Variants in ADAMTS20 observed in about 807,000 individuals in gnomAD.
The protein encoded by ADAMTS20 is A disintegrin and metalloproteinase with thrombospondin motifs 20.
In ADAMTS20, 225 loss-of-function variants were observed where a neutral mutation model predicts 260.1. The observed-to-expected ratio is 0.87, with a 90% CI of 0.78 to 0.97. The LOEUF is 0.97. Ranked by LOEUF, ADAMTS20 falls within the 50% of genes least tolerant of loss-of-function variation. The pLI, the probability that ADAMTS20 is intolerant of heterozygous loss-of-function variation, is 0.00. For missense variants in ADAMTS20, 2,400 were observed against 2,337.7 expected, an observed-to-expected ratio of 1.03 and a Z score of -0.55; for synonymous variants, 802 against 769.5, an observed-to-expected ratio of 1.04 and a Z score of -0.70.
downstream of ADAMTS20, among the ~76,000 whole-genome samples, chr12:43,353,549 T>G (rs1401240119): frequency 4.6e-5 from 7 of 152,000 alleles, no homozygotes; most frequent in African/African-American, 1.7e-4. Context: ...CCCACAAAAT[T>G]TTTTATTTAC....
chr12:43,436,268 C>T (rs1312863018), intron 18 of ADAMTS20, among the ~76,000 whole-genome samples: 1 of 152,100 alleles, frequency 6.6e-6, no homozygotes, highest in African/African-American at 2.4e-5. Flanking sequence ...CCAGGTTCCT[C>T]TGACAGGGCG....
chr12:43,370,899 A>G (rs1940093329), intron 36 of ADAMTS20, among the ~76,000 whole-genome samples: 1 of 152,170 alleles, frequency 6.6e-6, no homozygotes, highest in Admixed American at 6.5e-5. Context: ...TGTTCCCAGT[A>G]CTCATCACTT....
At chr12:43,541,679 T>C (rs1460652539) in intron 2 of ADAMTS20, among the ~76,000 whole-genome samples, 2 of 152,108 alleles carry the variant, frequency 1.3e-5, no homozygotes, top group Admixed American at 6.6e-5. Context: ...GAAACACACA[T>C]TGAATAAATG....
chr12:43,355,362 C>T (rs1329597886), intron 38 of ADAMTS20, among the ~76,000 whole-genome samples: 1 of 152,160 alleles, frequency 6.6e-6, no homozygotes, highest in African/African-American at 2.4e-5. Flanking sequence ...GTCAGTTTCA[C>T]ACCAGGCATC....
chr12:43,535,526 C>A (rs1413607034), intron 2 of ADAMTS20, among the ~76,000 whole-genome samples: 1 of 152,090 alleles, frequency 6.6e-6, no homozygotes, highest in African/African-American at 2.4e-5. Context: ...AAGTAGGCTA[C>A]AAATTCCAGT....
At position 43,466,706 on chromosome 12, in the gene ADAMTS20, A is replaced by G. The variant is rs1351155133; in HGVS notation, c.1313T>C (p.Met438Thr). 6.2e-6 allele frequency: 10 copies of G among 1,611,696 alleles called. No homozygotes were observed. The highest frequency in any genetic ancestry group is 2.2e-5 in the East Asian group (1 of 44,752). ...ACAGTTTGACCAGCTCCAAGGACTC[A>G]TGTGAAAACTTAAAGCAGGGGCCAT... ...HVMAPALSFH[M>T]SPWSWSNCSR... Residue 438 changes from methionine (M) to threonine (T), a missense_variant, in exon 9 of 39, where the codon ATG becomes ACG. Physicochemically the swap from Met to Thr is moderately conservative, Grantham distance 81. Transcript: ENST00000389420.
At chr12:43,454,916 T>C (rs1159733374) in intron 11 of ADAMTS20, among the ~76,000 whole-genome samples, 2 of 152,168 alleles carry the variant, frequency 1.3e-5, no homozygotes, top group Non-Finnish European at 2.9e-5. Flanking sequence ...ATGCATAACA[T>C]AAAATTTACC....
chr12:43,524,278 G>A (rs1052652506), intron 3 of ADAMTS20, among the ~76,000 whole-genome samples: 5 of 68,352 alleles, frequency 7.3e-5, no homozygotes, highest in African/African-American at 1.6e-4. Flanking sequence ...TGAAAGCAAC[G>A]AGAGCCTAAT....
At chr12:43,384,468 T>A (rs1462297668) in intron 29 of ADAMTS20, among the ~76,000 whole-genome samples, 1 of 152,218 alleles carries the variant, frequency 6.6e-6, no homozygotes, top group East Asian at 1.9e-4. Flanking sequence ...TAATTTTTTT[T>A]AATACTTTAA....
intron 16 of ADAMTS20, 69 bp from the exon 17 acceptor site, chr12:43,440,138 A>AAT: frequency 3.5e-5 from 36 of 1,024,124 alleles, no homozygotes; most frequent in Non-Finnish European, 4.4e-5. Context: ...CACTTGTTTA[A>AAT]CTTTTTTTTT....
At chr12:43,463,889 G>T (rs1287444573) in intron 10 of ADAMTS20, among the ~76,000 whole-genome samples, 4 of 152,070 alleles carry the variant, frequency 2.6e-5, no homozygotes, top group African/African-American at 9.7e-5. Context: ...AACCTAGTAG[G>T]GAGGGAAGCA....
chr12:43,460,988 A>ATATATATTTTTTTT, intron 11 of ADAMTS20, among the ~76,000 whole-genome samples: 5 of 26,394 alleles, frequency 1.9e-4, no homozygotes, highest in Admixed American at 8.3e-4. Context: ...ATATATATAT[A>ATATATATTTTTTTT]TTTTTTTTTT....
chr12:43,371,338 A>G (rs1160746178), intron 36 of ADAMTS20, among the ~76,000 whole-genome samples: 2 of 152,220 alleles, frequency 1.3e-5, no homozygotes, highest in Non-Finnish European at 2.9e-5. Flanking sequence ...TTAATTCAAC[A>G]GATACTTATT....
intron 3 of ADAMTS20, among the ~76,000 whole-genome samples, chr12:43,526,908 C>A (rs528060210): frequency 6.6e-6 from 1 of 152,140 alleles, no homozygotes; most frequent in South Asian, 2.1e-4. Context: ...AAACCTGGTT[C>A]TTTGAAAAGA....
intron 11 of ADAMTS20, among the ~76,000 whole-genome samples, chr12:43,456,936 A>C (rs1941975253): frequency 6.6e-6 from 1 of 152,188 alleles, no homozygotes; most frequent in African/African-American, 2.4e-5. Flanking sequence ...TTGTTTACTG[A>C]AACTAGAGAC....
At chr12:43,362,753 A>C (rs1376083012) in intron 37 of ADAMTS20, among the ~76,000 whole-genome samples, 2 of 151,650 alleles carry the variant, frequency 1.3e-5, no homozygotes, top group Non-Finnish European at 2.9e-5. Context: ...ATTTCACCAC[A>C]CCAACATGGC....
At chr12:43,494,757 A>G (rs768796422) in intron 4 of ADAMTS20, among the ~76,000 whole-genome samples, 1 of 152,146 alleles carries the variant, frequency 6.6e-6, no homozygotes, top group African/African-American at 2.4e-5. Flanking sequence ...TTCATTTTAC[A>G]GGCAATGTTT....
intron 28 of ADAMTS20, among the ~76,000 whole-genome samples, chr12:43,409,830 A>G (rs1215084642): frequency 6.6e-6 from 1 of 152,132 alleles, no homozygotes; most frequent in African/African-American, 2.4e-5. Context: ...ACTTCACCAG[A>G]AACTGTAAGA....
Position 43,399,225 on chromosome 12 carries a change from A to G in ADAMTS20, c.4293T>C (p.Ala1431=). ...GGTACTTTCTACCTTTACCACAAGAAGCTGAGCACTAGAAAAGAAATATGA... is the reference window on the plus strand; with the variant it reads ...GGTACTTTCTACCTTTACCACAAGAGGCTGAGCACTAGAAAAGAAATATGA... ...WHQEPWTSCS[A]SCGKGRKYRE... The change falls in exon 29 of 39, where the codon GCT becomes GCC. Residue 1431 remains alanine (A), a synonymous_variant. Transcript: ENST00000389420. 6.6e-7 allele frequency: 1 copy of G among 1,525,996 alleles called. No individual in the cohort carries two copies. Among genetic ancestry groups the G allele is most frequent in the South Asian group, 1.3e-5 (1 of 76,902 alleles). 94.5% of individuals were successfully genotyped at this position (1,525,996 alleles called of 1,614,324 possible).
Sources: allele counts gnomAD v4.1 joint callset (sites outside exome capture counted in the v4.1 genomes callset), GRCh38; gene constraint gnomAD v4.1.1; transcripts MANE v1.5; gene names NCBI Gene and HGNC (gene_info 2026-07-23, HGNC 2026-07-21).